Variants in PPARGC1A observed in about 807,000 individuals in gnomAD.
The protein encoded by PPARGC1A is peroxisome proliferator-activated receptor gamma coactivator 1-alpha.
Under a neutral mutation model 88.7 loss-of-function variants are expected in PPARGC1A, and 25 were observed. The ratio of observed to expected loss-of-function variants is 0.28; its 90% CI spans 0.21 to 0.39. The LOEUF is 0.39. Among genes scored for constraint, PPARGC1A ranks in the 10% least tolerant of loss-of-function variants. PPARGC1A has a pLI of 1.00. For missense variants in PPARGC1A, 880 were observed against 968.7 expected (o/e 0.91, Z 1.22); for synonymous variants, 363 against 355.6 (o/e 1.02, Z -0.24).
upstream of PPARGC1A, among the ~76,000 whole-genome samples, chr4:23,890,477 C>T (rs1717664396): frequency 6.6e-6 from 1 of 152,044 alleles, no homozygotes; most frequent in African/African-American, 2.4e-5. Flanking sequence ...TCCCTAAGAA[C>T]TCTTTAATTC....
At chr4:24,108,461 C>G in the PPARGC1A span, among the ~76,000 whole-genome samples, 6 of 152,144 alleles carry the variant, frequency 3.9e-5, no homozygotes, top group African/African-American at 1.4e-4. Flanking sequence ...TTATACTATA[C>G]TAATTATCTT....
At chr4:24,193,332 C>A in the PPARGC1A span, among the ~76,000 whole-genome samples, 4 of 152,074 alleles carry the variant, frequency 2.6e-5, no homozygotes, top group African/African-American at 4.8e-5. Context: ...TGGAGTGGTA[C>A]CTTTGCTTTG....
At chr4:23,970,323 T>C in the PPARGC1A span, among the ~76,000 whole-genome samples, 3 of 152,206 alleles carry the variant, frequency 2.0e-5, no homozygotes, top group African/African-American at 2.4e-5. Flanking sequence ...GCAACCTTCT[T>C]GGGCTTTACC....
chr4:23,827,440 AG>A (rs1396114315), intron 5 of PPARGC1A, among the ~76,000 whole-genome samples: 1 of 151,880 alleles, frequency 6.6e-6, no homozygotes, highest in African/African-American at 2.4e-5. Flanking sequence ...AAAAAAAAAA[AG>A]AGGTATATGT....
chr4:24,015,365 G>T, the PPARGC1A span, among the ~76,000 whole-genome samples: 1 of 152,058 alleles, frequency 6.6e-6, no homozygotes, highest in Admixed American at 6.6e-5. Context: ...CAATGAATAC[G>T]CTTTCAGTTT....
At chr4:23,978,851 T>G in the PPARGC1A span, among the ~76,000 whole-genome samples, 13 of 152,194 alleles carry the variant, frequency 8.5e-5, no homozygotes, top group African/African-American at 2.7e-4. Flanking sequence ...ATGTGTTTTT[T>G]GCAGATGAAC....
the PPARGC1A span, among the ~76,000 whole-genome samples, chr4:24,227,539 AT>A: frequency 6.6e-6 from 1 of 152,248 alleles, no homozygotes; most frequent in African/African-American, 2.4e-5. Flanking sequence ...AAACAAATAA[AT>A]AAGTAAATAA....
the PPARGC1A span, among the ~76,000 whole-genome samples, chr4:24,147,641 C>T: frequency 6.6e-6 from 1 of 152,164 alleles, no homozygotes; most frequent in East Asian, 1.9e-4. Flanking sequence ...AGCTCAAATT[C>T]TTCTGAGAGG....
the PPARGC1A span, among the ~76,000 whole-genome samples, chr4:24,338,274 G>A: frequency 6.6e-6 from 1 of 152,112 alleles, no homozygotes; most frequent in Admixed American, 6.6e-5. Context: ...CAAAAGCAAA[G>A]GTTTGGTTCA....
At chr4:23,910,384 ATT>A in the PPARGC1A span, among the ~76,000 whole-genome samples, 34 of 109,502 alleles carry the variant, frequency 3.1e-4, no homozygotes, top group Non-Finnish European at 5.0e-4. Context: ...TATTATATAT[ATT>A]ATATATATTA....
the PPARGC1A span, among the ~76,000 whole-genome samples, chr4:24,182,988 T>A: frequency 6.6e-6 from 1 of 152,018 alleles, no homozygotes; most frequent in Non-Finnish European, 1.5e-5. Context: ...GGGGAAGATA[T>A]AATAAACACG....
chr4:23,956,234 C>T, the PPARGC1A span, among the ~76,000 whole-genome samples: 3 of 152,066 alleles, frequency 2.0e-5, no homozygotes, highest in Non-Finnish European at 2.9e-5. Context: ...GCTCCTCTCA[C>T]TTTAATGTAC....
chr4:24,295,038 A>G, the PPARGC1A span, among the ~76,000 whole-genome samples: 1 of 152,230 alleles, frequency 6.6e-6, no homozygotes, highest in South Asian at 2.1e-4. Flanking sequence ...CACAGGCATC[A>G]ATCCCCGCTT....
the PPARGC1A span, among the ~76,000 whole-genome samples, chr4:24,296,330 A>G: frequency 2.0e-5 from 3 of 152,048 alleles, no homozygotes; most frequent in African/African-American, 7.2e-5. Context: ...CTTAAAAATT[A>G]TTCAGTGTTT....
the PPARGC1A span, among the ~76,000 whole-genome samples, chr4:24,288,095 A>G: frequency 2.0e-5 from 3 of 152,044 alleles, no homozygotes; most frequent in East Asian, 5.8e-4. Context: ...ATCTATATTC[A>G]TTCTTCAAGC....
chr4:24,443,672 C>T, the PPARGC1A span, among the ~76,000 whole-genome samples: 12 of 152,132 alleles, frequency 7.9e-5, no homozygotes, highest in Middle Eastern at 6.8e-3. Context: ...TCTCCTGCCT[C>T]AGCTCCCTGA....
At chr4:23,879,172 G>A (rs1355003901) in intron 2 of PPARGC1A, among the ~76,000 whole-genome samples, 1 of 152,168 alleles carries the variant, frequency 6.6e-6, no homozygotes. Flanking sequence ...ATTAAGGTGA[G>A]GTTGTATATA....
the PPARGC1A span, among the ~76,000 whole-genome samples, chr4:23,967,902 G>A: frequency 6.6e-6 from 1 of 152,136 alleles, no homozygotes; most frequent in Admixed American, 6.5e-5. Context: ...GTGGGGAATA[G>A]TGTATCAAAA....
chr4:24,262,127 C>A, the PPARGC1A span, among the ~76,000 whole-genome samples: 1 of 152,148 alleles, frequency 6.6e-6, no homozygotes, highest in Admixed American at 6.5e-5. Flanking sequence ...ACGCACCCCC[C>A]GCCCCATAAC....
Sources: gnomAD v4.1 joint callset for allele counts (sites outside exome capture counted in the v4.1 genomes callset) on GRCh38, gnomAD v4.1.1 for gene constraint, MANE v1.5 for transcripts, NCBI Gene and HGNC (gene_info 2026-07-23, HGNC 2026-07-21) for gene names.